DAB1: variants seen among roughly 807,000 people sequenced by gnomAD.
DAB1 encodes the protein disabled homolog 1.
Under a neutral mutation model 64.6 loss-of-function variants are expected in DAB1, and 15 were observed. That is an observed-to-expected ratio of 0.23 (90% CI 0.16 to 0.36). The LOEUF (loss-of-function observed/expected upper bound fraction) is 0.36. DAB1 is among the 10% of genes least tolerant of loss of function. DAB1 has a pLI of 1.00. For synonymous variants in DAB1, 235 were observed against 251.9 expected (o/e 0.93, Z 0.64); for missense variants, 596 against 706.7 (o/e 0.84, Z 1.78).
At chr1:57,951,317 C>CATACATATATATATATATATATATAT (rs1645271639) in intron 5 of DAB1, among the ~76,000 whole-genome samples, 1 of 69,810 alleles carries the variant, frequency 1.4e-5, no homozygotes, top group African/African-American at 4.1e-5. Flanking sequence ...GAGCCTGATT[C>CATACATATATATATATATATATATAT]ATATATATAT....
intron 2 of DAB1, among the ~76,000 whole-genome samples, chr1:57,219,113 T>C (rs780420849): frequency 2.6e-5 from 4 of 152,262 alleles, no homozygotes; most frequent in African/African-American, 4.8e-5. Context: ...TTAGTAGTTA[T>C]ACAGTTTGGA....
Position 57,343,921 on chromosome 1 carries a change from G to A in DAB1, c.-136-52755C>T, listed in dbSNP as rs536477022. Among the ~76,000 whole-genome samples the A allele has an allele frequency of 9.2e-5, 14 of 152,368 alleles. No homozygotes were observed. In the South Asian group the frequency reaches 1.7e-3, roughly 18 times the overall value. On this transcript the variant is annotated intron_variant, in intron 1 of 14. Coordinates refer to ENST00000371236, the MANE Select transcript of DAB1 (RefSeq NM_001365792.1). ...GAGTGGGCGCCAAGGCCAAGGAGGC[G>A]CCCAGAGCGAGCAAGGGCTGTGAGG...
chr1:57,455,126 T>C (rs1340953694), intron 7 of DAB1, among the ~76,000 whole-genome samples: 2 of 152,132 alleles, frequency 1.3e-5, no homozygotes, highest in Non-Finnish European at 2.9e-5. Context: ...GGGAAAAGCA[T>C]GTTCAAAGAC....
intron 2 of DAB1, among the ~76,000 whole-genome samples, chr1:57,250,367 T>A (rs1669243520): frequency 6.6e-6 from 1 of 152,196 alleles, no homozygotes; most frequent in Non-Finnish European, 1.5e-5. Flanking sequence ...AGGTTATAAT[T>A]ATTGAGGAAT....
At chr1:58,454,598 G>C (rs150679814) in intron 3 of DAB1, among the ~76,000 whole-genome samples, 1,634 of 152,196 alleles carry the variant, frequency 0.011, 88 homozygotes, top group Admixed American at 0.092. Flanking sequence ...ACCCACGTCC[G>C]AGGGCCACAC....
At chr1:57,733,674 A>G (rs967204776) in intron 6 of DAB1, among the ~76,000 whole-genome samples, 5 of 152,154 alleles carry the variant, frequency 3.3e-5, no homozygotes, top group Admixed American at 3.3e-4. Flanking sequence ...CCTGAGGCTC[A>G]GAGAGGTCGA....
At chr1:58,050,919 A>G (rs981982472) in intron 5 of DAB1, among the ~76,000 whole-genome samples, 1 of 152,078 alleles carries the variant, frequency 6.6e-6, no homozygotes, top group Non-Finnish European at 1.5e-5. Flanking sequence ...TAATTCATTC[A>G]CCAAATATTA....
At chr1:57,014,658 G>A (rs574557632) in intron 12 of DAB1, among the ~76,000 whole-genome samples, 20 of 152,222 alleles carry the variant, frequency 1.3e-4, no homozygotes, top group African/African-American at 4.8e-4. Flanking sequence ...TTATCATTAA[G>A]CATTATTATA....
At chr1:58,416,564 C>A (rs1260017575) in intron 3 of DAB1, among the ~76,000 whole-genome samples, 2 of 152,112 alleles carry the variant, frequency 1.3e-5, no homozygotes, top group East Asian at 3.8e-4. Flanking sequence ...AAAAATGAAT[C>A]TTAATTTTAT....
Position 58,301,569 on chromosome 1 carries a change from G to A in DAB1, n.309+41783C>T, listed in dbSNP as rs77503678. Among the ~76,000 whole-genome samples the A allele has an allele frequency of 2.1e-3, 322 of 152,088 alleles. 9 individuals are homozygous for A. In the East Asian group the frequency reaches 0.049, roughly 23 times the overall value. ...TGGGCCAAGACAATTCTTCCAGTGC[G>A]GCCCAGGGAAGCCAAAAGATTGGAC... On this transcript the variant is annotated intron_variant and non_coding_transcript_variant, in intron 4 of 20. Transcript: ENST00000485760.
At chr1:57,211,962 C>A (rs953207860) in intron 2 of DAB1, among the ~76,000 whole-genome samples, 5 of 152,162 alleles carry the variant, frequency 3.3e-5, no homozygotes, top group African/African-American at 1.2e-4. Context: ...AATCCTGGAA[C>A]CAATCCCCCA....
At chr1:58,184,288 A>C (rs1261648036) in intron 4 of DAB1, among the ~76,000 whole-genome samples, 1 of 148,404 alleles carries the variant, frequency 6.7e-6, no homozygotes, top group African/African-American at 2.4e-5. Context: ...ATAACATATG[A>C]TATATAACAT....
intron 3 of DAB1, among the ~76,000 whole-genome samples, chr1:58,345,349 A>C (rs1643983782): frequency 6.6e-6 from 1 of 152,218 alleles, no homozygotes. Context: ...GCTTTGGAAT[A>C]CTGAGAGCCA....
chr1:57,295,869 G>A (rs1039934115), intron 1 of DAB1, among the ~76,000 whole-genome samples: 9 of 152,196 alleles, frequency 5.9e-5, no homozygotes, highest in East Asian at 3.9e-4. Context: ...AAGGGGGATC[G>A]TAGAACTAAA....
chr1:57,665,766 A>G (rs920547043), intron 6 of DAB1, among the ~76,000 whole-genome samples: 1 of 152,046 alleles, frequency 6.6e-6, no homozygotes, highest in African/African-American at 2.4e-5. Flanking sequence ...ACACATATAC[A>G]TACACATATT....
intron 3 of DAB1, among the ~76,000 whole-genome samples, chr1:58,503,012 T>G (rs189874443): frequency 0.011 from 1,653 of 152,284 alleles, 31 homozygotes; most frequent in African/African-American, 0.037. Flanking sequence ...CACTAATCAA[T>G]TCATTATTAT....
At chr1:58,167,456 T>C (rs905939645) in intron 4 of DAB1, among the ~76,000 whole-genome samples, 1 of 152,088 alleles carries the variant, frequency 6.6e-6, no homozygotes, top group Admixed American at 6.5e-5. Flanking sequence ...GCACTCTGTG[T>C]CTAGCTAAAG....
chr1:57,086,000 C>A (rs1256596639), intron 4 of DAB1, among the ~76,000 whole-genome samples: 1 of 152,060 alleles, frequency 6.6e-6, no homozygotes, highest in Non-Finnish European at 1.5e-5. Flanking sequence ...TATAAAACAG[C>A]ATGTTATATA....
At chr1:57,412,383 T>C (rs1244755284) in intron 1 of DAB1, among the ~76,000 whole-genome samples, 1 of 152,152 alleles carries the variant, frequency 6.6e-6, no homozygotes, top group Non-Finnish European at 1.5e-5. Context: ...GGGGAAGGCA[T>C]GTTGAAAGCT....
Sources: gnomAD v4.1 joint callset for allele counts (sites outside exome capture counted in the v4.1 genomes callset) on GRCh38, gnomAD v4.1.1 for gene constraint, MANE v1.5 for transcripts, NCBI Gene and HGNC (gene_info 2026-07-23, HGNC 2026-07-21) for gene names.